CALHM4: variants seen among roughly 807,000 people sequenced by gnomAD.
The protein encoded by CALHM4 is calcium homeostasis modulator protein 4.
A neutral mutation model predicts 13.3 loss-of-function variants in CALHM4; 16 were observed. The observed-to-expected ratio is 1.20, with a 90% CI of 0.81 to 1.82. The LOEUF is 1.82. Among genes scored for constraint, CALHM4 ranks in the 40% most tolerant of loss-of-function variants. The probability of loss-of-function intolerance (pLI) is 0.00; values close to 1 mark genes in which losing one functional copy is unlikely to be tolerated. For synonymous variants in CALHM4, 127 were observed against 137.1 expected (o/e 0.93, Z 0.52); for missense variants, 344 against 374.9 (o/e 0.92, Z 0.68).
intron 2 of CALHM4, chr6:116,545,739 C>A (rs1773745508): frequency 2.8e-6 from 1 of 355,768 alleles, no homozygotes; most frequent in Non-Finnish European, 5.1e-6. Context: ...TGCCATGGAT[C>A]AAATAACTGC....
chr6:116,558,094 A>G lies in CALHM4; in HGVS notation c.828A>G (p.Ser276=), dbSNP rs1373403544. 1 of 1,614,186 alleles carries G rather than the reference A, an allele frequency of 6.2e-7. No individual in the cohort carries two copies. Among genetic ancestry groups the G allele is most frequent in the South Asian group, 1.1e-5 (1 of 91,088 alleles). The change falls in exon 2 of 2, where the codon TCA becomes TCG. Residue 276 remains serine, a synonymous_variant. Coordinates refer to ENST00000368596, the MANE Select transcript of CALHM4 (RefSeq NM_001366078.2). Reference sequence around the variant, plus strand: ...CTTGTCAGGACTGGAAAGATATTTCAGTACCCACTCTTTTATGCATGGGTG... The same window carrying G: ...CTTGTCAGGACTGGAAAGATATTTCGGTACCCACTCTTTTATGCATGGGTG... ...IPSCQDWKDI[S]VPTLLCMGDD...
chr6:116,537,984 C>T (rs567634222), intron 1 of CALHM4, among the ~76,000 whole-genome samples: 68 of 152,258 alleles, frequency 4.5e-4, no homozygotes, highest in African/African-American at 1.6e-3. Context: ...CCACAGGTAA[C>T]AAGAAAGTTT....
rs1774438191 is a variant in CALHM4 at position 116,558,371 on chromosome 6, G to T, written c.*160G>T. On this transcript the variant is annotated 3_prime_UTR_variant, in exon 2 of 2. Coordinates refer to ENST00000368596, the MANE Select transcript of CALHM4 (RefSeq NM_001366078.2). Reference sequence around the variant, plus strand: ...TATTATTTCTAAAATCAATCTATTAGATAATTGTGCCAATCTCTCATTTTG... The same window carrying T: ...TATTATTTCTAAAATCAATCTATTATATAATTGTGCCAATCTCTCATTTTG... 1 of 883,574 alleles carries T rather than the reference G, an allele frequency of 1.1e-6. No individual in the cohort carries two copies. The highest frequency in any genetic ancestry group is 1.7e-5 in the African/African-American group (1 of 58,806). The allele number at this position is 883,574 out of a possible 1,614,324, so 54.7% of individuals were successfully genotyped here.
In CALHM4 at chr6:116,543,632, A is replaced by C. The variant is rs1026966187; in HGVS notation, c.-108-133A>C. The C allele has an allele frequency of 2.4e-5, 16 of 658,994 alleles. No individual in the cohort carries two copies. The African/African-American group carries it at 2.6e-4, about 11-fold the overall frequency. 40.8% of individuals were successfully genotyped at this position (658,994 alleles called of 1,614,324 possible). Reference sequence around the variant, plus strand: ...TGTTAAATAAAATGAATTTCGTAACATGATAACATCTTTCTATGCATTTGC... The same window carrying C: ...TGTTAAATAAAATGAATTTCGTAACCTGATAACATCTTTCTATGCATTTGC... On this transcript the variant is annotated intron_variant, in intron 1 of 2. Transcript: ENST00000368597.
intron 1 of CALHM4, among the ~76,000 whole-genome samples, chr6:116,535,652 T>C (rs1773027609): frequency 6.6e-6 from 1 of 152,252 alleles, no homozygotes; most frequent in Admixed American, 6.5e-5. Context: ...TATAGGTCTG[T>C]AAGTAACAGT....
chr6:116,545,697 GAAC>G, intron 2 of CALHM4: 1 of 432,846 alleles, frequency 2.3e-6, no homozygotes, highest in Non-Finnish European at 4.1e-6. Flanking sequence ...AAAAAACCAT[GAAC>G]AACAGGATTG....
intron 2 of CALHM4, among the ~76,000 whole-genome samples, chr6:116,546,522 G>T (rs921902209): frequency 6.6e-6 from 1 of 152,180 alleles, no homozygotes; most frequent in Non-Finnish European, 1.5e-5. Flanking sequence ...TTGACGAAAA[G>T]TGTGGTGTAG....
chr6:116,550,561 T>A (rs1774032697), upstream of CALHM4, among the ~76,000 whole-genome samples: 1 of 152,196 alleles, frequency 6.6e-6, no homozygotes, highest in African/African-American at 2.4e-5. Context: ...CAGTAACTGT[T>A]AGCTGTTGAA....
At chr6:116,537,542 A>G (rs1773175767) in intron 1 of CALHM4, among the ~76,000 whole-genome samples, 1 of 152,304 alleles carries the variant, frequency 6.6e-6, no homozygotes, top group East Asian at 1.9e-4. Flanking sequence ...TCTCCATAGA[A>G]CATTTCTTAC....
intron 2 of CALHM4, among the ~76,000 whole-genome samples, chr6:116,547,771 A>C (rs991947035): frequency 1.3e-5 from 2 of 152,262 alleles, no homozygotes; most frequent in African/African-American, 4.8e-5. Context: ...AAGATAATGC[A>C]TAAGCAAAGT....
chr6:116,551,087 C>T (rs552464247), upstream of CALHM4, among the ~76,000 whole-genome samples: 4 of 152,292 alleles, frequency 2.6e-5, no homozygotes, highest in East Asian at 7.7e-4. Flanking sequence ...TTGCCTTTTC[C>T]ACAGAGTGCC....
At chr6:116,554,931 G>C (rs1031928684) in intron 1 of CALHM4, among the ~76,000 whole-genome samples, 4 of 152,144 alleles carry the variant, frequency 2.6e-5, no homozygotes, top group Non-Finnish European at 4.4e-5. Context: ...TACATTTATA[G>C]GTTGAATTTT....
intron 2 of CALHM4, among the ~76,000 whole-genome samples, chr6:116,544,674 A>G (rs544660081): frequency 8.9e-4 from 136 of 152,250 alleles, no homozygotes; most frequent in African/African-American, 3.2e-3. Flanking sequence ...TGTACCATAT[A>G]TTTTTAGCAC....
chr6:116,554,923 C>A (rs1774242147), intron 1 of CALHM4, among the ~76,000 whole-genome samples: 1 of 152,124 alleles, frequency 6.6e-6, no homozygotes, highest in African/African-American at 2.4e-5. Flanking sequence ...AACCCTACTA[C>A]ATTTATAGGT....
Position 116,553,813 on chromosome 6 carries a change from A to G in CALHM4, c.20A>G (p.Asn7Ser), listed in dbSNP as rs1298464340. The G allele has an allele frequency of 1.3e-6, 2 of 1,550,414 alleles. No homozygotes were observed. Among genetic ancestry groups the G allele is most frequent in the African/African-American group, 2.7e-5 (2 of 73,050 alleles). Residue 7 changes from asparagine (N) to serine (S), a missense_variant, in exon 1 of 2, where the codon AAT (asparagine) becomes AGT (serine). Coordinates refer to ENST00000368596, the MANE Select transcript of CALHM4 (RefSeq NM_001366078.2). The part of the protein sequence containing the change: MCPTLN[N>S]IVSSLQRNGI... ...CCCAAGATGTGCCCAACTCTCAACA[A>G]TATTGTGTCTTCTCTGCAGAGAAAT...
intron 2 of CALHM4, among the ~76,000 whole-genome samples, chr6:116,547,409 G>A (rs778874013): frequency 6.6e-6 from 1 of 152,144 alleles, no homozygotes; most frequent in Non-Finnish European, 1.5e-5. Flanking sequence ...AGAAAAAGCC[G>A]GCTTTTACTT....
At chr6:116,534,633 T>C (rs979391584) in intron 1 of CALHM4, among the ~76,000 whole-genome samples, 2 of 152,216 alleles carry the variant, frequency 1.3e-5, no homozygotes, top group African/African-American at 4.8e-5. Flanking sequence ...CTAGAGTTTA[T>C]GCTTACAAAA....
At chr6:116,550,404 G>A (rs1029590467), upstream of CALHM4, among the ~76,000 whole-genome samples, 1 of 152,058 alleles carries the variant, frequency 6.6e-6, no homozygotes, top group Non-Finnish European at 1.5e-5. Flanking sequence ...TGTGTGATGG[G>A]CAGAAGTGCC....
upstream of CALHM4, among the ~76,000 whole-genome samples, chr6:116,550,011 TATATATATATATATACACACAC>T (rs1562361085): frequency 1.3e-5 from 1 of 75,684 alleles, no homozygotes; most frequent in South Asian, 3.6e-4. Flanking sequence ...TATATATATA[TATATATATATATATACACACAC>T]ACACACACAC....
Sources: allele counts gnomAD v4.1 joint callset (sites outside exome capture counted in the v4.1 genomes callset), GRCh38; gene constraint gnomAD v4.1.1; transcripts MANE v1.5; gene names NCBI Gene and HGNC (gene_info 2026-07-23, HGNC 2026-07-21).